The following ACADVL variants were observed in gnomAD, a reference collection of about 807,000 sequenced individuals.
ACADVL encodes the protein very long-chain acyl-CoA dehydrogenase, mitochondrial.
ACADVL carries 73 observed loss-of-function variants against 80.4 expected under a neutral mutation model. The observed-to-expected ratio is 0.91, with a 90% CI of 0.75 to 1.10. The LOEUF (loss-of-function observed/expected upper bound fraction) is 1.10, where lower values mean the gene tolerates loss of function less well. Among genes scored for constraint, ACADVL ranks in the 50% least tolerant of loss-of-function variants. The pLI is 0.00. For missense variants in ACADVL, 878 were observed against 858.9 expected (o/e 1.02, Z -0.28); for synonymous variants, 392 against 326.5 (o/e 1.20, Z -2.16).
At position 7,221,094 on chromosome 17, in the gene ACADVL, T is replaced by G. The variant is rs771337551; in HGVS notation, c.477+36T>G. The G allele has an allele frequency of 1.4e-5, 22 of 1,611,952 alleles. 1 individual carries two copies. In the South Asian group the frequency reaches 2.2e-4, roughly 16 times the overall value. ...CCTATCGCCACATCCCAGTATGCCA[T>G]ACCCCAGCTTGGCAGACTCAGCTCT... is the stretch of plus-strand genomic sequence containing the variant. On this transcript the variant is annotated intron_variant, in intron 6 of 19. Coordinates refer to ENST00000356839, the MANE Select transcript of ACADVL (RefSeq NM_000018.4).
intron 18 of ACADVL, 38 bp from the exon 19 acceptor site, chr17:7,224,771 C>G: frequency 1.2e-6 from 2 of 1,613,678 alleles, no homozygotes; most frequent in Non-Finnish European, 8.5e-7. Context: ...TGGATCCCAG[C>G]CGGCCCAGAT....
chr17:7,219,819 C>T (rs1223901228), upstream of ACADVL: 13 of 1,531,460 alleles, frequency 8.5e-6, no homozygotes, highest in Admixed American at 8.0e-5. Context: ...AACGCAGGGC[C>T]GGGCTCCAGG....
Position 7,220,058 on chromosome 17 carries a change from A to G in ACADVL, c.62+12A>G, listed in dbSNP as rs1346237009. ...CTCGGGGGCGGAAGGTCTGTGTGTGACAAGAGGGACGGTGGGCAGCGGCCC... is the reference window on the plus strand; with the variant it reads ...CTCGGGGGCGGAAGGTCTGTGTGTGGCAAGAGGGACGGTGGGCAGCGGCCC... On this transcript the variant is annotated intron_variant, in intron 1 of 19. Coordinates refer to ENST00000356839, the MANE Select transcript of ACADVL (RefSeq NM_000018.4). The G allele has an allele frequency of 3.1e-6, 5 of 1,601,694 alleles. No homozygotes were observed. The highest frequency in any genetic ancestry group is 4.2e-6 in the Non-Finnish European group (5 of 1,178,660).
At position 7,224,623 on chromosome 17, in the gene ACADVL, C is replaced by A; in HGVS notation, c.1679-19C>A. The stretch of plus-strand genomic sequence containing the variant: ...AGACTAATGCCCCCACCCCCACCCC[C>A]ACCCCACCTACCGGACAGATGAACA... On this transcript the variant is annotated intron_variant, in intron 17 of 19. Transcript: ENST00000356839. 1 of 1,546,206 alleles carries A rather than the reference C, an allele frequency of 6.5e-7. No homozygotes were observed. Among genetic ancestry groups the A allele is most frequent in the Non-Finnish European group, 8.7e-7 (1 of 1,148,052 alleles).
At chr17:7,219,568 T>C (rs1454787917), upstream of ACADVL, 29 of 1,115,216 alleles carry the variant, frequency 2.6e-5, no homozygotes, top group Non-Finnish European at 3.1e-5. Context: ...TGTCTTTCCA[T>C]GTCTCTGCCT....
chr17:7,218,986 C>G, upstream of ACADVL: 1 of 883,310 alleles, frequency 1.1e-6, no homozygotes, highest in African/African-American at 1.6e-5. Context: ...GGTCCCAAGG[C>G]ACCAGCACCG....
Position 7,222,882 on chromosome 17 carries a change from A to C in ACADVL, c.1077+17A>C. The C allele has an allele frequency of 6.2e-7, 1 of 1,609,054 alleles. No homozygotes were observed. Among genetic ancestry groups the C allele is most frequent in the Non-Finnish European group, 8.5e-7 (1 of 1,179,852 alleles). ...GCTAAGGCGGTGAGTACCCTGCCCG[A>C]GTCCCTAGGTAACCCAAACAGAAGT... On this transcript the variant is annotated intron_variant, in intron 10 of 19. Coordinates refer to ENST00000356839, the MANE Select transcript of ACADVL (RefSeq NM_000018.4).
rs1339994445 is a variant in ACADVL at position 7,220,527 on chromosome 17, G to A, written c.202G>A (p.Ala68Thr). 1.9e-6 allele frequency: 3 copies of A among 1,614,098 alleles called. No individual in the cohort carries two copies. The highest frequency in any genetic ancestry group is 1.3e-5 in the African/African-American group (1 of 74,938). The change falls in exon 3 of 20, where the codon GCG becomes ACG. Residue 68 changes from alanine to threonine, a missense_variant and splice_region_variant. Transcript: ENST00000356839. ...TCTGACCAGGAAAAAACCGGCCAAG[G>A]CGGTAGGTAGCCCCGAGGCCAGGTG... Reference protein sequence around the residue: ...DALTRKKPAKAESKSFAVGMF... With the variant: ...DALTRKKPAKTESKSFAVGMF...
chr17:7,218,520 C>A (rs370045627), upstream of ACADVL: 10 of 1,552,960 alleles, frequency 6.4e-6, no homozygotes, highest in Non-Finnish European at 8.7e-6. Flanking sequence ...GCCCAGGTCC[C>A]TCAGAAAACG....
At chr17:7,220,577 C>T (rs749451023) in intron 3 of ACADVL, 27 bp from the exon 4 acceptor site, 3 of 1,614,172 alleles carry the variant, frequency 1.9e-6, no homozygotes, top group East Asian at 2.2e-5. Flanking sequence ...CCAACCAGAG[C>T]CCTGAAATTT....
chr17:7,220,035 C>T lies in ACADVL; in HGVS notation c.51C>T (p.Leu17=), dbSNP rs376733533. ...AASLGRQLLR[L]GGGSSRLTAL... ...GCTTGGGGCGGCAGCTGCTGAGGCT[C>T]GGGGGCGGAAGGTCTGTGTGTGACA... The change falls in exon 1 of 20, where the codon CTC becomes CTT. Residue 17 remains leucine, a synonymous_variant. Coordinates refer to ENST00000356839, the MANE Select transcript of ACADVL (RefSeq NM_000018.4). The T allele has an allele frequency of 2.5e-5, 40 of 1,604,580 alleles. No individual in the cohort carries two copies. The highest frequency in any genetic ancestry group is 3.3e-5 in the Non-Finnish European group (39 of 1,178,904).
chr17:7,221,851 A>T (rs2071244048), intron 7 of ACADVL, 101 bp from the exon 8 acceptor site: 1 of 1,599,346 alleles, frequency 6.3e-7, no homozygotes, highest in Non-Finnish European at 8.6e-7. Flanking sequence ...GGATACTCCC[A>T]GGTGTTAAGG....
chr17:7,217,258 G>A (rs1193847378), upstream of ACADVL: 1 of 1,253,514 alleles, frequency 8.0e-7, no homozygotes, highest in Non-Finnish European at 1.0e-6. Context: ...ACTTTTGCAG[G>A]GGGGGCCAGG....
chr17:7,221,048 G>C lies in ACADVL; in HGVS notation c.467G>C (p.Cys156Ser), dbSNP rs139973845. Residue 156 changes from cysteine to serine, a missense_variant, in exon 6 of 20, where the codon TGC (cysteine) becomes TCC (serine). Cys to Ser is a moderately radical substitution (Grantham distance 112). Coordinates refer to ENST00000356839, the MANE Select transcript of ACADVL (RefSeq NM_000018.4). ...AGTGAGCTGGGTGGTGTGGGCCTTT[G>C]CAACACCCAGGTGAGGGCGCCCTAT... ...VPSELGGVGLCNTQYARLVEI... is the reference protein window; with the variant it reads ...VPSELGGVGLSNTQYARLVEI... The C allele has an allele frequency of 1.2e-5, 19 of 1,613,710 alleles. No homozygotes were observed. Among genetic ancestry groups the C allele is most frequent in the Non-Finnish European group, 1.5e-5 (18 of 1,180,028 alleles).
chr17:7,221,378 A>G lies in ACADVL; in HGVS notation c.478-160A>G, dbSNP rs796353942. ...GCATTCTCTGCTGTGCCCTTTGCACACCCCACTTCTTTTCTACACACTGGG... is the reference window on the plus strand; with the variant it reads ...GCATTCTCTGCTGTGCCCTTTGCACGCCCCACTTCTTTTCTACACACTGGG... On this transcript the variant is annotated intron_variant, in intron 6 of 19. Coordinates refer to ENST00000356839, the MANE Select transcript of ACADVL (RefSeq NM_000018.4). 1.0e-5 allele frequency: 13 copies of G among 1,299,592 alleles called. No individual in the cohort carries two copies. In the African/African-American group the frequency reaches 1.7e-4, roughly 17 times the overall value. 80.5% of individuals were successfully genotyped at this position (1,299,592 alleles called of 1,614,324 possible).
At chr17:7,219,892 G>A, upstream of ACADVL, 3 of 1,546,668 alleles carry the variant, frequency 1.9e-6, no homozygotes, top group Non-Finnish European at 2.6e-6. Flanking sequence ...CACTGTGGAC[G>A]ATGAGTCAGG....
At chr17:7,222,482 C>A in intron 9 of ACADVL, 180 bp downstream of exon 9, 1 of 1,178,030 alleles carries the variant, frequency 8.5e-7, no homozygotes, top group South Asian at 1.5e-5. Flanking sequence ...CAACCAAGTC[C>A]AACACAAAAT....
chr17:7,223,493 C>T (rs539504953), intron 11 of ACADVL, 151 bp from the exon 12 acceptor site: 11 of 925,722 alleles, frequency 1.2e-5, no homozygotes, highest in African/African-American at 4.9e-5. Context: ...AAAACAAATA[C>T]CTGGAAGCAC....
upstream of ACADVL, chr17:7,218,312 C>A: frequency 6.3e-7 from 1 of 1,595,904 alleles, no homozygotes; most frequent in African/African-American, 1.3e-5. Flanking sequence ...AGTTACCTCC[C>A]CACCCCAGGC....
Sources: allele counts gnomAD v4.1 joint callset, GRCh38; gene constraint gnomAD v4.1.1; transcripts MANE v1.5; gene names NCBI Gene and HGNC (gene_info 2026-07-23, HGNC 2026-07-21).